RFX2: variants seen among roughly 807,000 people sequenced by gnomAD.
RFX2 encodes regulatory factor X2, also known as DNA-binding protein RFX2.
In RFX2, 20 loss-of-function variants were observed where a neutral mutation model predicts 87.8. The ratio of observed to expected loss-of-function variants is 0.23; its 90% CI spans 0.16 to 0.33. The LOEUF (loss-of-function observed/expected upper bound fraction) is 0.33. RFX2 is among the 10% of genes least tolerant of loss of function. RFX2 has a pLI of 1.00. For synonymous variants in RFX2, 397 were observed against 431.3 expected, an observed-to-expected ratio of 0.92 and a Z score of 0.98; for missense variants, 767 against 1,012.3, an observed-to-expected ratio of 0.76 and a Z score of 3.29.
Position 6,007,957 on chromosome 19 carries a change from G to T in RFX2, c.1134+149C>A. ...AGGAGAGGAGCAGGCGATGGACATG[G>T]ATGCGGAGGGGCTGCTGCTTCAGAG... On this transcript the variant is annotated intron_variant, in intron 10 of 17. Coordinates refer to ENST00000303657, the MANE Select transcript of RFX2 (RefSeq NM_000635.4). This position sits in a 1 kb window ranked among gnomAD's most constrained non-coding sequence, Gnocchi z 8.2. The T allele has an allele frequency of 1.3e-6, 1 of 781,350 alleles. No individual in the cohort carries two copies. The highest frequency in any genetic ancestry group is 2.2e-6 in the Non-Finnish European group (1 of 453,880). 48.4% of individuals were successfully genotyped at this position (781,350 alleles called of 1,614,324 possible). A position where few individuals can be genotyped will look rare whatever the true frequency, so the allele number is the denominator to read the frequency against.
rs972068067 is a variant in RFX2 at position 6,056,736 on chromosome 19, G to A, written c.-8-9232C>T. Among the ~76,000 whole-genome samples the A allele has an allele frequency of 6.6e-6, 1 of 152,208 alleles. No individual in the cohort carries two copies. Among genetic ancestry groups the A allele is most frequent in the Non-Finnish European group, 1.5e-5 (1 of 68,032 alleles). On this transcript the variant is annotated intron_variant, in intron 1 of 17. Transcript: ENST00000303657. This position sits in a 1 kb window ranked among gnomAD's most constrained non-coding sequence, Gnocchi z 4.6. ...GGACCCATTCAGTGACTGCCCTGCC[G>A]TCCTTGCTTTCTCGCGTTCCTTTGT...
Position 6,002,135 on chromosome 19 carries a change from G to T in RFX2, c.1651-112C>A. The stretch of plus-strand genomic sequence containing the variant: ...CATCGTGCTGTGCTTGAGCCTTCTC[G>T]CCCTTGACCTTGACAGCTGCAAGCC... On this transcript the variant is annotated intron_variant, in intron 14 of 17. Coordinates refer to ENST00000303657, the MANE Select transcript of RFX2 (RefSeq NM_000635.4). The surrounding 1 kb of genome is among the most constrained non-coding windows in gnomAD (Gnocchi z 6.7). 1 of 931,010 alleles carries T rather than the reference G, an allele frequency of 1.1e-6. No individual in the cohort carries two copies. Among genetic ancestry groups the T allele is most frequent in the Non-Finnish European group, 1.5e-6 (1 of 646,374 alleles). 57.7% of individuals were successfully genotyped at this position (931,010 alleles called of 1,614,324 possible). A position where few individuals can be genotyped will look rare whatever the true frequency, so the allele number is the denominator to read the frequency against.
rs1445789324 is a variant in RFX2 at position 6,016,286 on chromosome 19, A to G, written c.598-15T>C. 1 of 1,582,250 alleles carries G rather than the reference A, an allele frequency of 6.3e-7. No homozygotes were observed. Among genetic ancestry groups the G allele is most frequent in the East Asian group, 2.3e-5 (1 of 44,006 alleles). Reference sequence around the variant, plus strand: ...AGCCACTGGAGCTGTAAAAAGAAAGACACGTCTGCGTTTGTCAGAAGCCTG... The same window carrying G: ...AGCCACTGGAGCTGTAAAAAGAAAGGCACGTCTGCGTTTGTCAGAAGCCTG... On this transcript the variant is annotated splice_polypyrimidine_tract_variant and intron_variant, in intron 6 of 17. Coordinates refer to ENST00000303657, the MANE Select transcript of RFX2 (RefSeq NM_000635.4). The surrounding 1 kb of genome is among the most constrained non-coding windows in gnomAD (Gnocchi z 5.4).
chr19:6,023,784 TC>T lies in RFX2; in HGVS notation c.597+2378del, dbSNP rs1438852476. 6.6e-6 allele frequency among the ~76,000 whole-genome samples: 1 copy of T among 151,734 alleles called. No individual in the cohort carries two copies. Among genetic ancestry groups the T allele is most frequent in the African/African-American group, 2.4e-5 (1 of 41,326 alleles). On this transcript the variant is annotated intron_variant, in intron 6 of 17. Coordinates refer to ENST00000303657, the MANE Select transcript of RFX2 (RefSeq NM_000635.4). This position sits in a 1 kb window ranked among gnomAD's most constrained non-coding sequence, Gnocchi z 4.9. ...CATGCATTTTCCCATAGACATTTTT[TC>T]TTTTTTTTTTTTGAGATGGAGTCTC...
In RFX2 at chr19:6,039,829, G is replaced by T; in HGVS notation, c.522+151C>A. On this transcript the variant is annotated intron_variant, in intron 5 of 17. Transcript: ENST00000303657. The surrounding 1 kb of genome is among the most constrained non-coding windows in gnomAD (Gnocchi z 5.2). ...GCCTATGGTTGCGTGGCCCGTCTGAGGCTGGCCCGACTCCATCGTGGGGCC... is the reference window on the plus strand; with the variant it reads ...GCCTATGGTTGCGTGGCCCGTCTGATGCTGGCCCGACTCCATCGTGGGGCC... 1.1e-6 allele frequency: 1 copy of T among 904,282 alleles called. No homozygotes were observed. The highest frequency in any genetic ancestry group is 1.6e-6 in the Non-Finnish European group (1 of 623,750). 56.0% of individuals were successfully genotyped at this position (904,282 alleles called of 1,614,324 possible). A position where few individuals can be genotyped will look rare whatever the true frequency, so the allele number is the denominator to read the frequency against.
chr19:6,090,554 G>A (rs2087919301), intron 1 of RFX2, among the ~76,000 whole-genome samples: 2 of 152,148 alleles, frequency 1.3e-5, no homozygotes, highest in South Asian at 2.1e-4. Context: ...AAGTGTTGGT[G>A]AGGATGTGGA....
Position 6,002,087 on chromosome 19 carries a change from A to C in RFX2, c.1651-64T>G, listed in dbSNP as rs1599838800. 7.1e-7 allele frequency: 1 copy of C among 1,408,406 alleles called. No individual in the cohort carries two copies. Among genetic ancestry groups the C allele is most frequent in the Admixed American group, 2.1e-5 (1 of 48,668 alleles). The allele number at this position is 1,408,406 out of a possible 1,614,324, so 87.2% of individuals were successfully genotyped here. The stretch of plus-strand genomic sequence containing the variant: ...CCCCAGCCACGGCAGCCCTCCCTGG[A>C]CCTAGCCATGCTCAGGGCGGGACAT... On this transcript the variant is annotated intron_variant, in intron 14 of 17. Transcript: ENST00000303657. This position sits in a 1 kb window ranked among gnomAD's most constrained non-coding sequence, Gnocchi z 6.7.
chr19:6,102,454 G>A (rs563884973), intron 1 of RFX2, among the ~76,000 whole-genome samples: 6 of 152,342 alleles, frequency 3.9e-5, no homozygotes, highest in Admixed American at 2.0e-4. Flanking sequence ...CAGGTCTTCC[G>A]GTAAATGACT....
Position 5,997,477 on chromosome 19 carries a change from C to G in RFX2, c.1860-264G>C, listed in dbSNP as rs907911996. On this transcript the variant is annotated intron_variant, in intron 15 of 17. Transcript: ENST00000303657. This position sits in a 1 kb window ranked among gnomAD's most constrained non-coding sequence, Gnocchi z 4.2. ...AGGAGAGGGAGATGGGCAGTCAGCC[C>G]CAAAGCGACAGGCTGCGGGAAACAA... 2 of 418,804 alleles carry G rather than the reference C, an allele frequency of 4.8e-6. No homozygotes were observed. The highest frequency in any genetic ancestry group is 8.5e-6 in the Non-Finnish European group (2 of 235,738). 25.9% of individuals were successfully genotyped at this position (418,804 alleles called of 1,614,324 possible).
chr19:6,008,096 G>C lies in RFX2; in HGVS notation c.1134+10C>G. 1.3e-6 allele frequency: 2 copies of C among 1,541,280 alleles called. No homozygotes were observed. The highest frequency in any genetic ancestry group is 1.8e-6 in the Non-Finnish European group (2 of 1,138,218). On this transcript the variant is annotated intron_variant, in intron 10 of 17. Coordinates refer to ENST00000303657, the MANE Select transcript of RFX2 (RefSeq NM_000635.4). ...ACGCAGGAGCTGCCTGCCTGGGCTGGGGCGGTCACCTCGCAGTGCCGTCTG... is the reference window on the plus strand; with the variant it reads ...ACGCAGGAGCTGCCTGCCTGGGCTGCGGCGGTCACCTCGCAGTGCCGTCTG...
chr19:6,081,397 CAT>C (rs2144859246), intron 1 of RFX2, among the ~76,000 whole-genome samples: 1 of 152,336 alleles, frequency 6.6e-6, no homozygotes, highest in East Asian at 1.9e-4. Flanking sequence ...GGGAAGGAAT[CAT>C]ATCATTTTAT....
In RFX2 at chr19:6,064,600, G is replaced by A. The variant is rs761136162; in HGVS notation, c.-8-17096C>T. 3.3e-5 allele frequency among the ~76,000 whole-genome samples: 5 copies of A among 152,196 alleles called. No homozygotes were observed. The highest frequency in any genetic ancestry group is 7.4e-5 in the Non-Finnish European group (5 of 68,022). On this transcript the variant is annotated intron_variant, in intron 1 of 17. Transcript: ENST00000303657. This position sits in a 1 kb window ranked among gnomAD's most constrained non-coding sequence, Gnocchi z 4.8. ...GCCTGGTGACCTGACCCGGCAGCAC[G>A]CCCACTGGGCACCTGTGCCCACCTG...
intron 1 of RFX2, among the ~76,000 whole-genome samples, chr19:6,098,439 C>T (rs1350662763): frequency 6.6e-6 from 1 of 151,958 alleles, no homozygotes; most frequent in Non-Finnish European, 1.5e-5. Flanking sequence ...CAGTGAGATG[C>T]GTTTTCGTCC....
rs184175789 is a variant in RFX2 at position 6,061,856 on chromosome 19, C to A, written c.-8-14352G>T. Among the ~76,000 whole-genome samples the A allele has an allele frequency of 5.9e-5, 9 of 152,126 alleles. No individual in the cohort carries two copies. The East Asian group carries it at 1.7e-3, about 29-fold the overall frequency. On this transcript the variant is annotated intron_variant, in intron 1 of 17. Coordinates refer to ENST00000303657, the MANE Select transcript of RFX2 (RefSeq NM_000635.4). The surrounding 1 kb of genome is among the most constrained non-coding windows in gnomAD (Gnocchi z 5.2). Reference sequence around the variant, plus strand: ...GGGAATGATATAGCTGATGTGCCCACCCCGAGTGTGGATCCCAGCAGGTGC... The same window carrying A: ...GGGAATGATATAGCTGATGTGCCCAACCCGAGTGTGGATCCCAGCAGGTGC...
At position 6,004,092 on chromosome 19, in the gene RFX2, A is replaced by G. The variant is rs143366843; in HGVS notation, c.1500+109T>C. On this transcript the variant is annotated intron_variant, in intron 13 of 17. Transcript: ENST00000303657. The surrounding 1 kb of genome is among the most constrained non-coding windows in gnomAD (Gnocchi z 4.8). ...CCTGAAGGGATCGGTTACTCTCATG[A>G]CGCAGGGAAGAAGCCAGCGCTCTCT... is the stretch of plus-strand genomic sequence containing the variant. 83 of 845,188 alleles carry G rather than the reference A, an allele frequency of 9.8e-5. 1 individual carries two copies. In the Middle Eastern group the frequency reaches 1.6e-3, roughly 16 times the overall value. The allele number at this position is 845,188 out of a possible 1,614,324, so 52.4% of individuals were successfully genotyped here. A position where few individuals can be genotyped will look rare whatever the true frequency, so the allele number is the denominator to read the frequency against.
Position 6,009,012 on chromosome 19 carries a change from A to T in RFX2, c.1016-788T>A, listed in dbSNP as rs10409633. On this transcript the variant is annotated intron_variant, in intron 9 of 17. Coordinates refer to ENST00000303657, the MANE Select transcript of RFX2 (RefSeq NM_000635.4). ...GGAATTTCTAAGCATCAGTTTTCTCAGGTAGAAAATGGAGAGGATATTGTC... is the reference window on the plus strand; with the variant it reads ...GGAATTTCTAAGCATCAGTTTTCTCTGGTAGAAAATGGAGAGGATATTGTC... Among the ~76,000 whole-genome samples, 959 of 152,252 alleles carry T rather than the reference A, an allele frequency of 6.3e-3. 12 individuals carry two copies. The highest frequency in any genetic ancestry group is 0.022 in the African/African-American group (910 of 41,558).
rs1364663305 is a variant in RFX2, at chr19:6,056,735, C to A, written c.-8-9231G>T. On this transcript the variant is annotated intron_variant, in intron 1 of 17. Coordinates refer to ENST00000303657, the MANE Select transcript of RFX2 (RefSeq NM_000635.4). The surrounding 1 kb of genome is among the most constrained non-coding windows in gnomAD (Gnocchi z 4.6). ...TGGACCCATTCAGTGACTGCCCTGC[C>A]GTCCTTGCTTTCTCGCGTTCCTTTG... Among the ~76,000 whole-genome samples the A allele has an allele frequency of 6.6e-6, 1 of 152,212 alleles. No individual in the cohort carries two copies. Among genetic ancestry groups the A allele is most frequent in the Non-Finnish European group, 1.5e-5 (1 of 68,038 alleles).
At chr19:6,069,890 G>A (rs2087570656) in intron 1 of RFX2, among the ~76,000 whole-genome samples, 1 of 152,180 alleles carries the variant, frequency 6.6e-6, no homozygotes, top group African/African-American at 2.4e-5. Flanking sequence ...CTGAGAGCGG[G>A]TTTCTGAAAA....
At chr19:6,038,412 T>C (rs1374834316) in intron 5 of RFX2, among the ~76,000 whole-genome samples, 1 of 148,852 alleles carries the variant, frequency 6.7e-6, no homozygotes, top group East Asian at 2.0e-4. Context: ...ATCTTCATAA[T>C]GTGCAAATAG....
Sources: allele counts gnomAD v4.1 joint callset (sites outside exome capture counted in the v4.1 genomes callset), GRCh38; gene constraint gnomAD v4.1.1; non-coding constraint Gnocchi (gnomAD v3.1); transcripts MANE v1.5; gene names NCBI Gene and HGNC (gene_info 2026-07-23, HGNC 2026-07-21).